Variants in MDN1 observed in about 807,000 individuals in gnomAD.
MDN1 encodes midasin AAA ATPase 1, also known as midasin.
Under a neutral mutation model 669.2 loss-of-function variants are expected in MDN1, and 266 were observed. The ratio of observed to expected loss-of-function variants is 0.40; its 90% CI spans 0.36 to 0.44. MDN1 has a LOEUF of 0.44. Among genes scored for constraint, MDN1 ranks in the 20% least tolerant of loss-of-function variants. MDN1 has a pLI of 1.00. For synonymous variants in MDN1, 2,385 were observed against 2,457.1 expected, an observed-to-expected ratio of 0.97 and a Z score of 0.87; for missense variants, 5,940 against 6,754.0, an observed-to-expected ratio of 0.88 and a Z score of 4.22.
At chr6:89,796,436 C>G (rs771693358) in intron 2 of MDN1, among the ~76,000 whole-genome samples, 26 of 149,562 alleles carry the variant, frequency 1.7e-4, no homozygotes, top group Non-Finnish European at 3.4e-4. Context: ...GAGATTTAGT[C>G]AGTAATCAAA....
At chr6:89,680,442 T>C in intron 74 of MDN1, 147 bp downstream of exon 74, 2 of 879,642 alleles carry the variant, frequency 2.3e-6, no homozygotes, top group South Asian at 4.0e-5. Context: ...CTGAGCTCTG[T>C]GGGTTTTTAA....
At position 89,661,536 on chromosome 6, in the gene MDN1, G is replaced by T; in HGVS notation, c.14608C>A (p.Gln4870Lys). The change falls in exon 88 of 102, where the codon CAG (glutamine) becomes AAG (lysine). Residue 4870 changes from glutamine to lysine, a missense_variant. This residue lies in a region of MDN1 where 2,280 missense variants were observed against 2,576.3 expected (regional missense o/e 0.88). Transcript: ENST00000369393. Reference sequence around the variant, plus strand: ...GCCTCGGGTTCTGGCACCTTTTCCTGATTGCCATGGTAAGGGTCCACCTCA... The same window carrying T: ...GCCTCGGGTTCTGGCACCTTTTCCTTATTGCCATGGTAAGGGTCCACCTCA... ...ENEVDPYHGNQEKVPEPEALD... is the reference protein window; with the variant it reads ...ENEVDPYHGNKEKVPEPEALD... 6.2e-7 allele frequency: 1 copy of T among 1,614,156 alleles called. No individual in the cohort carries two copies. Among genetic ancestry groups the T allele is most frequent in the Non-Finnish European group, 8.5e-7 (1 of 1,180,012 alleles).
Position 89,674,520 on chromosome 6 carries a change from G to T in MDN1, c.12831C>A (p.Phe4277Leu), listed in dbSNP as rs1811053004. The T allele has an allele frequency of 3.7e-6, 6 of 1,608,118 alleles. No individual in the cohort carries two copies. The highest frequency in any genetic ancestry group is 4.2e-6 in the Non-Finnish European group (5 of 1,179,614). Reference protein sequence around the residue: ...LMGPQAYPVAFPPQDGVQQWT... With the variant: ...LMGPQAYPVALPPQDGVQQWT... The stretch of plus-strand genomic sequence containing the variant: ...ACTGCTGCACGCCATCCTGAGGGGG[G>T]AAGGCCACGGGGTAGGCCTGGGGCC... The change falls in exon 79 of 102, where the codon TTC becomes TTA. Residue 4277 changes from phenylalanine (F) to leucine (L), a missense_variant. By Grantham distance (22) the Phe-to-Leu change is conservative. Around this residue, in one of 5 missense-constraint regions of MDN1, gnomAD observed 2,280 missense variants for 2,576.3 expected, o/e 0.88. Transcript: ENST00000369393.
At chr6:89,797,273 G>T (rs9359865) in intron 2 of MDN1, among the ~76,000 whole-genome samples, 1 of 151,010 alleles carries the variant, frequency 6.6e-6, no homozygotes, top group East Asian at 1.9e-4. Flanking sequence ...AGAAGGCTGA[G>T]GCAGGAGAAT....
Position 89,686,995 on chromosome 6 carries a change from T to TTAAAAA in MDN1, c.11478_11479insTTTTTA (p.Thr3826_Met3827insPheLeu). 6.2e-7 allele frequency: 1 copy of TTAAAAA among 1,602,206 alleles called. No individual in the cohort carries two copies. The highest frequency in any genetic ancestry group is 2.2e-5 in the East Asian group (1 of 44,480). The stretch of plus-strand genomic sequence containing the variant: ...GTGGATTTCTCGGTGTGGCGCTTCA[T>TTAAAAA]AGTATTATCCAAACTCATGGACCAG... On this transcript the variant is annotated inframe_insertion, in exon 69 of 102. Transcript: ENST00000369393.
chr6:89,761,881 A>G (rs1461678793), intron 16 of MDN1, 133 bp from the exon 17 acceptor site: 15 of 649,018 alleles, frequency 2.3e-5, no homozygotes, highest in African/African-American at 3.7e-5. Context: ...AAAAACTTGT[A>G]TAATGCTAAC....
chr6:89,773,150 G>A (rs1818189864), intron 13 of MDN1, among the ~76,000 whole-genome samples: 1 of 152,144 alleles, frequency 6.6e-6, no homozygotes, highest in African/African-American at 2.4e-5. Context: ...GGTCTTTGAA[G>A]AAATTTAATC....
chr6:89,713,952 T>C (rs1814140825), intron 46 of MDN1, among the ~76,000 whole-genome samples: 1 of 149,220 alleles, frequency 6.7e-6, no homozygotes, highest in South Asian at 2.1e-4. Context: ...GGCAGAAGAA[T>C]GGCATGAACC....
In MDN1 at chr6:89,725,236, T is replaced by C; in HGVS notation, c.5633A>G (p.Lys1878Arg). The change falls in exon 38 of 102, where the codon AAA becomes AGA. Residue 1878 changes from lysine (K) to arginine (R), a missense_variant. By Grantham distance (26) the Lys-to-Arg change is conservative. Coordinates refer to ENST00000369393, the MANE Select transcript of MDN1 (RefSeq NM_014611.3). ...GTTAAGGAAAGACCTGGGCAAGCCT[T>C]TCCTCCCACCTCCTTGTCTAAAGGG... The part of the protein sequence containing the change: ...QNPFRQGGGR[K>R]GLPRSFLNRF... The C allele has an allele frequency of 6.2e-7, 1 of 1,614,040 alleles. No individual in the cohort carries two copies. Among genetic ancestry groups the C allele is most frequent in the Non-Finnish European group, 8.5e-7 (1 of 1,179,958 alleles).
rs74327017 is a variant in MDN1 at position 89,667,955 on chromosome 6, A to C, written c.14094+59T>G. ...TAAAAACCATTTTTATGTGTAACTT[A>C]CATGTTGAAAAGAAAGAGAGTGATC... On this transcript the variant is annotated intron_variant, in intron 84 of 101. Coordinates refer to ENST00000369393, the MANE Select transcript of MDN1 (RefSeq NM_014611.3). 1,401 of 1,590,054 alleles carry C rather than the reference A, an allele frequency of 8.8e-4. 15 individuals carry two copies. The East Asian group carries it at 0.029, about 33-fold the overall frequency.
At chr6:89,756,480 G>T in intron 19 of MDN1, 90 bp from the exon 20 acceptor site, 1 of 632,024 alleles carries the variant, frequency 1.6e-6, no homozygotes, top group Non-Finnish European at 2.7e-6. Flanking sequence ...AGCTATGTCA[G>T]CTCATTTTAA....
At chr6:89,739,675 T>C (rs1192995934) in intron 32 of MDN1, among the ~76,000 whole-genome samples, 1 of 152,190 alleles carries the variant, frequency 6.6e-6, no homozygotes, top group Non-Finnish European at 1.5e-5. Context: ...TTCCCAAATA[T>C]ATCTGAACAC....
At chr6:89,769,671 C>T (rs901124462) in intron 15 of MDN1, among the ~76,000 whole-genome samples, 29 of 152,186 alleles carry the variant, frequency 1.9e-4, no homozygotes, top group African/African-American at 7.0e-4. Flanking sequence ...CAAGGAAAAA[C>T]AGATATATTC....
At chr6:89,702,686 T>C (rs1302477276) in intron 53 of MDN1, among the ~76,000 whole-genome samples, 2 of 152,364 alleles carry the variant, frequency 1.3e-5, no homozygotes, top group African/African-American at 4.8e-5. Flanking sequence ...TAGCAGTTTT[T>C]CCCAGTATAT....
At chr6:89,682,876 G>C (rs4706347) in intron 73 of MDN1, among the ~76,000 whole-genome samples, 12 of 149,674 alleles carry the variant, frequency 8.0e-5, no homozygotes, top group Non-Finnish European at 1.8e-4. Flanking sequence ...GAGTCCAGGA[G>C]GTTGAGACTG....
chr6:89,780,152 C>A, intron 11 of MDN1, 60 bp downstream of exon 11: 8 of 892,440 alleles, frequency 9.0e-6, no homozygotes, highest in Non-Finnish European at 1.0e-5. Flanking sequence ...CAGAAAATAA[C>A]AACGGAAGTC....
Position 89,725,414 on chromosome 6 carries a change from T to C in MDN1, c.5473-18A>G. On this transcript the variant is annotated intron_variant, in intron 37 of 101. Coordinates refer to ENST00000369393, the MANE Select transcript of MDN1 (RefSeq NM_014611.3). Reference sequence around the variant, plus strand: ...AGGTTAAGCTATTTAAAGAAGAAAGTACATAATTTGTCTCAAATATATTAT... The same window carrying C: ...AGGTTAAGCTATTTAAAGAAGAAAGCACATAATTTGTCTCAAATATATTAT... 1 of 1,597,348 alleles carries C rather than the reference T, an allele frequency of 6.3e-7. No individual in the cohort carries two copies. The highest frequency in any genetic ancestry group is 8.6e-7 in the Non-Finnish European group (1 of 1,165,172).
At chr6:89,806,452 C>G (rs1191422186) in intron 1 of MDN1, among the ~76,000 whole-genome samples, 1 of 152,098 alleles carries the variant, frequency 6.6e-6, no homozygotes, top group Non-Finnish European at 1.5e-5. Context: ...AGTGGTGGCT[C>G]ACGCCTATAA....
Position 89,701,935 on chromosome 6 carries a change from T to A in MDN1, c.8275A>T (p.Ile2759Phe). ...HWVLKHLVHQ[I>F]PRLLMNYEDK... ...TCATAATTCATCAGAAGTCGGGGGA[T>A]CTGGTGGACCAGATGTTTTAAAACC... Residue 2759 changes from isoleucine (I) to phenylalanine (F), a missense_variant, in exon 54 of 102, where the codon ATC becomes TTC. Around this residue, in one of 5 missense-constraint regions of MDN1, gnomAD observed 2,292 missense variants for 2,638.3 expected, o/e 0.87. Coordinates refer to ENST00000369393, the MANE Select transcript of MDN1 (RefSeq NM_014611.3). The A allele has an allele frequency of 6.2e-7, 1 of 1,613,442 alleles. No individual in the cohort carries two copies. The highest frequency in any genetic ancestry group is 1.7e-5 in the Admixed American group (1 of 59,880).
Sources: allele counts gnomAD v4.1 joint callset (sites outside exome capture counted in the v4.1 genomes callset), GRCh38; gene constraint gnomAD v4.1.1; regional missense constraint gnomAD v4.1.1; transcripts MANE v1.5; gene names NCBI Gene and HGNC (gene_info 2026-07-23, HGNC 2026-07-21).